Variants in BICD1 observed in about 807,000 individuals in gnomAD.
BICD1 encodes protein bicaudal D homolog 1.
Under a neutral mutation model 92.5 loss-of-function variants are expected in BICD1, and 35 were observed. The observed-to-expected ratio is 0.38, with a 90% CI of 0.29 to 0.50. The LOEUF (loss-of-function observed/expected upper bound fraction) is 0.50. Among genes scored for constraint, BICD1 ranks in the 20% least tolerant of loss-of-function variants. The pLI, the probability that BICD1 is intolerant of heterozygous loss-of-function variation, is 0.93. For synonymous variants in BICD1, 429 were observed against 465.1 expected (o/e 0.92, Z 1.00); for missense variants, 950 against 1,189.8 (o/e 0.80, Z 2.97).
chr12:32,252,102 T>C, intron 2 of BICD1, among the ~76,000 whole-genome samples: 1 of 101,566 alleles, frequency 9.8e-6, no homozygotes, highest in Non-Finnish European at 2.1e-5. Context: ...ATATTTATAA[T>C]AAATATTATA....
At chr12:32,302,931 C>CTTT (rs572736411) in intron 3 of BICD1, among the ~76,000 whole-genome samples, 1 of 57,576 alleles carries the variant, frequency 1.7e-5, no homozygotes, top group African/African-American at 5.4e-5. Flanking sequence ...TAATGTATTT[C>CTTT]TTTTTTTTTT....
chr12:32,142,456 A>ATCTATCTATCTG (rs1555134306), intron 1 of BICD1, among the ~76,000 whole-genome samples: 1 of 55,652 alleles, frequency 1.8e-5, no homozygotes, highest in Non-Finnish European at 4.0e-5. Flanking sequence ...TATCTATCCT[A>ATCTATCTATCTG]TCTATCTATC....
chr12:32,255,829 G>C (rs1453581433), intron 2 of BICD1, among the ~76,000 whole-genome samples: 1 of 152,220 alleles, frequency 6.6e-6, no homozygotes, highest in Non-Finnish European at 1.5e-5. Flanking sequence ...CAGCTGGCCT[G>C]TGCCAGATGC....
chr12:32,125,452 C>G (rs1942295090), intron 1 of BICD1, among the ~76,000 whole-genome samples: 1 of 152,144 alleles, frequency 6.6e-6, no homozygotes. Context: ...GCCTCTTGAA[C>G]AGGGTCAAGA....
chr12:32,229,053 G>T (rs149275520), intron 2 of BICD1, among the ~76,000 whole-genome samples: 1 of 151,860 alleles, frequency 6.6e-6, no homozygotes, highest in African/African-American at 2.4e-5. Context: ...AGTTTGAGAC[G>T]AGCCTGGCTA....
rs892622380 is a variant in BICD1, at chr12:32,258,919, G to A, written c.427-35075G>A. Among the ~76,000 whole-genome samples, 7 of 152,270 alleles carry A rather than the reference G, an allele frequency of 4.6e-5. 1 individual carries two copies. Among genetic ancestry groups the A allele is most frequent in the Admixed American group, 3.3e-4 (5 of 15,292 alleles). ...GGGGTTTAAGCCTCCGGATGACTGC[G>A]GGCAGGAATGGATAATATCCAACCT... On this transcript the variant is annotated intron_variant, in intron 2 of 9. Transcript: ENST00000652176.
At chr12:32,145,898 G>T in intron 1 of BICD1, among the ~76,000 whole-genome samples, 1 of 152,124 alleles carries the variant, frequency 6.6e-6, no homozygotes. Flanking sequence ...TGTCAGCTTT[G>T]GTCATAGGGA....
chr12:32,138,106 T>C (rs1592358985), intron 1 of BICD1, among the ~76,000 whole-genome samples: 1 of 152,272 alleles, frequency 6.6e-6, no homozygotes, highest in South Asian at 2.1e-4. Context: ...GCCAAATATA[T>C]AAAGTTTAAA....
chr12:32,248,822 AGGTTGTTGGCTG>A (rs2136099979), intron 2 of BICD1, among the ~76,000 whole-genome samples: 1 of 152,312 alleles, frequency 6.6e-6, no homozygotes, highest in African/African-American at 2.4e-5. Flanking sequence ...CTGGAAAAGC[AGGTTGTTGGCTG>A]CCCCCTTCAC....
chr12:32,219,761 A>T (rs1945459930), intron 2 of BICD1, among the ~76,000 whole-genome samples: 1 of 152,234 alleles, frequency 6.6e-6, no homozygotes, highest in Non-Finnish European at 1.5e-5. Flanking sequence ...TTTTCATCTA[A>T]TTCTCACTTT....
At chr12:32,376,383 G>A (rs896696098) in intron 9 of BICD1, among the ~76,000 whole-genome samples, 28 of 151,166 alleles carry the variant, frequency 1.9e-4, no homozygotes, top group African/African-American at 6.5e-4. Flanking sequence ...CACCGCGCCC[G>A]GCCGCTAGTC....
At chr12:32,305,491 C>G (rs1296016584) in intron 3 of BICD1, among the ~76,000 whole-genome samples, 1 of 150,916 alleles carries the variant, frequency 6.6e-6, no homozygotes, top group Non-Finnish European at 1.5e-5. Flanking sequence ...CACTATAATA[C>G]CTAATTATAT....
At chr12:32,294,819 T>C (rs2442062) in intron 3 of BICD1, among the ~76,000 whole-genome samples, 71,589 of 151,492 alleles carry the variant, frequency 0.47, 17,652 homozygotes, top group Middle Eastern at 0.56. Context: ...TGGTGGTTCA[T>C]GCCCGTAATC....
chr12:32,324,676 G>A (rs1948736461), intron 4 of BICD1, among the ~76,000 whole-genome samples: 1 of 151,988 alleles, frequency 6.6e-6, no homozygotes, highest in Non-Finnish European at 1.5e-5. Context: ...CCCGGGTTCA[G>A]GCAATTCTCC....
intron 1 of BICD1, among the ~76,000 whole-genome samples, chr12:32,116,507 T>TAG (rs1941916405): frequency 8.9e-6 from 1 of 111,980 alleles, no homozygotes; most frequent in Non-Finnish European, 1.8e-5. Context: ...TCTCTCTCTC[T>TAG]CTCTATATAT....
intron 8 of BICD1, among the ~76,000 whole-genome samples, chr12:32,354,878 T>C: frequency 6.6e-6 from 1 of 152,310 alleles, no homozygotes; most frequent in African/African-American, 2.4e-5. Flanking sequence ...CAGTTTTTCC[T>C]TATTATTTCT....
At chr12:32,327,124 T>C (rs547500623) in intron 4 of BICD1, among the ~76,000 whole-genome samples, 2 of 152,256 alleles carry the variant, frequency 1.3e-5, no homozygotes, top group African/African-American at 2.4e-5. Flanking sequence ...ATAACACCAG[T>C]CCTATGCTTA....
At chr12:32,248,607 T>A (rs1946447883) in intron 2 of BICD1, among the ~76,000 whole-genome samples, 1 of 152,136 alleles carries the variant, frequency 6.6e-6, no homozygotes, top group African/African-American at 2.4e-5. Flanking sequence ...AACAGACTCT[T>A]GTGCTGATTT....
chr12:32,329,441 C>T (rs1447047865), intron 5 of BICD1, among the ~76,000 whole-genome samples: 2 of 152,142 alleles, frequency 1.3e-5, no homozygotes, highest in Non-Finnish European at 2.9e-5. Flanking sequence ...TCATCCCAAA[C>T]TTAGAGAAAC....
Sources: allele counts gnomAD v4.1 joint callset (sites outside exome capture counted in the v4.1 genomes callset), GRCh38; gene constraint gnomAD v4.1.1; transcripts MANE v1.5; gene names NCBI Gene and HGNC (gene_info 2026-07-23, HGNC 2026-07-21).